The following ASIC2 variants were observed in gnomAD, a reference collection of about 807,000 sequenced individuals.
The protein encoded by ASIC2 is acid sensing ion channel subunit 2.
In ASIC2, 25 loss-of-function variants were observed where a neutral mutation model predicts 57.3. That is an observed-to-expected ratio of 0.44 (90% CI 0.32 to 0.61). ASIC2 has a LOEUF of 0.61. Among genes scored for constraint, ASIC2 ranks in the 20% least tolerant of loss-of-function variants. The pLI, the probability that ASIC2 is intolerant of heterozygous loss-of-function variation, is 0.06. For synonymous variants in ASIC2, 319 were observed against 307.5 expected (o/e 1.04, Z -0.39); for missense variants, 641 against 738.1 (o/e 0.87, Z 1.52).
chr17:33,989,239 G>A (rs1905926537), intron 1 of ASIC2, among the ~76,000 whole-genome samples: 1 of 152,058 alleles, frequency 6.6e-6, no homozygotes, highest in Admixed American at 6.6e-5. Context: ...GTTTAGAGAT[G>A]AAGAAGAAAG....
intron 1 of ASIC2, among the ~76,000 whole-genome samples, chr17:33,506,284 G>A (rs1021807746): frequency 4.0e-5 from 6 of 151,526 alleles, no homozygotes; most frequent in Admixed American, 1.3e-4. Flanking sequence ...GTGGTGGCGG[G>A]CGCCTGTAGT....
chr17:33,697,622 C>A (rs1424210252), intron 1 of ASIC2, among the ~76,000 whole-genome samples: 1 of 152,202 alleles, frequency 6.6e-6, no homozygotes, highest in Non-Finnish European at 1.5e-5. Flanking sequence ...AGGCTACCAC[C>A]TTTCTCCCAA....
At chr17:33,526,039 C>T (rs1914876367) in intron 1 of ASIC2, among the ~76,000 whole-genome samples, 1 of 152,152 alleles carries the variant, frequency 6.6e-6, no homozygotes, top group Non-Finnish European at 1.5e-5. Flanking sequence ...ATTCTGCGAG[C>T]CTTCACCTAG....
At chr17:33,047,582 C>A (rs2141924688) in intron 3 of ASIC2, among the ~76,000 whole-genome samples, 1 of 152,274 alleles carries the variant, frequency 6.6e-6, no homozygotes, top group East Asian at 1.9e-4. Context: ...TCAAGCAATT[C>A]TCCCACCTCA....
chr17:33,513,534 T>G (rs1425494483), intron 1 of ASIC2, among the ~76,000 whole-genome samples: 2 of 152,240 alleles, frequency 1.3e-5, no homozygotes, highest in African/African-American at 4.8e-5. Context: ...GGAGACAGAA[T>G]GAAGAGGAGT....
At chr17:33,823,174 C>A (rs1032041952) in intron 1 of ASIC2, among the ~76,000 whole-genome samples, 3 of 152,192 alleles carry the variant, frequency 2.0e-5, no homozygotes, top group African/African-American at 7.2e-5. Context: ...CTTCTTATCA[C>A]AGCTGTAAAG....
At chr17:33,441,840 G>A (rs941478150) in intron 1 of ASIC2, among the ~76,000 whole-genome samples, 5 of 152,038 alleles carry the variant, frequency 3.3e-5, no homozygotes, top group African/African-American at 1.2e-4. Context: ...ATAGAAATTT[G>A]GGTCTTCATT....
chr17:33,474,837 T>C (rs1913167850), intron 1 of ASIC2, among the ~76,000 whole-genome samples: 1 of 152,122 alleles, frequency 6.6e-6, no homozygotes, highest in Admixed American at 6.6e-5. Context: ...CTAAATATGG[T>C]TGCGTGTGAC....
At chr17:33,927,891 C>T (rs759921212) in intron 1 of ASIC2, among the ~76,000 whole-genome samples, 15 of 152,164 alleles carry the variant, frequency 9.9e-5, no homozygotes, top group Non-Finnish European at 1.3e-4. Flanking sequence ...TATCAAATTA[C>T]AGCCGTTAAC....
intron 1 of ASIC2, among the ~76,000 whole-genome samples, chr17:34,148,114 T>A (rs1396714243): frequency 6.6e-6 from 1 of 152,150 alleles, no homozygotes; most frequent in Non-Finnish European, 1.5e-5. Flanking sequence ...CCCCAGCCAA[T>A]AAGCTTCCAG....
chr17:33,143,815 A>G (rs563158332), intron 1 of ASIC2, among the ~76,000 whole-genome samples: 1 of 152,362 alleles, frequency 6.6e-6, no homozygotes, highest in South Asian at 2.1e-4. Context: ...GAAGAAAACA[A>G]TCTTAGCCAT....
At chr17:33,124,391 C>T (rs183651724) in intron 1 of ASIC2, among the ~76,000 whole-genome samples, 79 of 152,236 alleles carry the variant, frequency 5.2e-4, no homozygotes, top group African/African-American at 1.8e-3. Flanking sequence ...ATGCCACTCT[C>T]CTTTCTAGAT....
chr17:33,211,552 A>G (rs544490393), intron 1 of ASIC2, among the ~76,000 whole-genome samples: 1 of 150,970 alleles, frequency 6.6e-6, no homozygotes, highest in East Asian at 1.9e-4. Context: ...AAAAAAAAAA[A>G]ATCAAAGTGA....
chr17:33,518,966 G>A (rs1304329343), intron 1 of ASIC2, among the ~76,000 whole-genome samples: 3 of 151,966 alleles, frequency 2.0e-5, no homozygotes, highest in East Asian at 1.9e-4. Flanking sequence ...GACTACAGGC[G>A]CCCGCCACTG....
chr17:33,774,273 G>A (rs1451115390), intron 1 of ASIC2, among the ~76,000 whole-genome samples: 3 of 152,178 alleles, frequency 2.0e-5, no homozygotes, highest in African/African-American at 4.8e-5. Context: ...TTTGGGTGAG[G>A]TCAGATATGG....
At chr17:33,530,951 T>A (rs1237345666) in intron 1 of ASIC2, among the ~76,000 whole-genome samples, 1 of 152,212 alleles carries the variant, frequency 6.6e-6, no homozygotes, top group Non-Finnish European at 1.5e-5. Flanking sequence ...CTGAGTTAGC[T>A]ACTATCTTCC....
intron 1 of ASIC2, among the ~76,000 whole-genome samples, chr17:33,253,964 G>A (rs1366348685): frequency 1.3e-5 from 2 of 152,164 alleles, no homozygotes; most frequent in Non-Finnish European, 2.9e-5. Context: ...CCAGGATCTT[G>A]TTTCCTCTGA....
chr17:33,940,770 C>A (rs1916173088), intron 1 of ASIC2, among the ~76,000 whole-genome samples: 1 of 152,206 alleles, frequency 6.6e-6, no homozygotes, highest in African/African-American at 2.4e-5. Context: ...TTAAAGAACA[C>A]AATGGGGGAT....
intron 1 of ASIC2, among the ~76,000 whole-genome samples, chr17:33,856,038 G>A (rs1403977617): frequency 6.6e-6 from 1 of 152,154 alleles, no homozygotes; most frequent in Non-Finnish European, 1.5e-5. Context: ...AAGGGAGGGA[G>A]AAGGAGGAAG....
Sources: gnomAD v4.1 joint callset for allele counts (sites outside exome capture counted in the v4.1 genomes callset) on GRCh38, gnomAD v4.1.1 for gene constraint, MANE v1.5 for transcripts, NCBI Gene and HGNC (gene_info 2026-07-23, HGNC 2026-07-21) for gene names.